The following EPHA5 variants were observed in gnomAD, a reference collection of about 807,000 sequenced individuals.
EPHA5 encodes ephrin type-A receptor 5.
Under a neutral mutation model 105.0 loss-of-function variants are expected in EPHA5, and 60 were observed. The ratio of observed to expected loss-of-function variants is 0.57; its 90% CI spans 0.46 to 0.71. The LOEUF (loss-of-function observed/expected upper bound fraction) is 0.71, where lower values mean the gene tolerates loss of function less well. Among genes scored for constraint, EPHA5 ranks in the 30% least tolerant of loss-of-function variants. EPHA5 has a pLI of 0.00. For synonymous variants in EPHA5, 513 were observed against 449.1 expected, an observed-to-expected ratio of 1.14 and a Z score of -1.80; for missense variants, 1,218 against 1,274.7, an observed-to-expected ratio of 0.96 and a Z score of 0.68.
intron 1 of EPHA5, among the ~76,000 whole-genome samples, chr4:65,647,599 T>C (rs62297723): frequency 0.012 from 1,879 of 152,150 alleles, 47 homozygotes; most frequent in Admixed American, 0.058. Context: ...CACTAATGAA[T>C]ATAATTAGAG....
chr4:65,427,441 A>G (rs1724555937), intron 5 of EPHA5, among the ~76,000 whole-genome samples: 1 of 152,044 alleles, frequency 6.6e-6, no homozygotes, highest in South Asian at 2.1e-4. Context: ...TCGGCCACCC[A>G]AAGTGCTGGG....
intron 3 of EPHA5, among the ~76,000 whole-genome samples, chr4:65,557,252 ATATATATT>A (rs1404751983): frequency 6.9e-6 from 1 of 145,148 alleles, no homozygotes; most frequent in Non-Finnish European, 1.5e-5. Context: ...ATATATATAT[ATATATATT>A]CTCACACTTT....
chr4:65,625,824 A>C (rs1746090079), intron 2 of EPHA5, among the ~76,000 whole-genome samples: 1 of 152,216 alleles, frequency 6.6e-6, no homozygotes, highest in Admixed American at 6.5e-5. Context: ...TATTTAAAGA[A>C]TGCGCGGCCG....
chr4:65,511,409 A>G (rs1405969199), intron 3 of EPHA5, among the ~76,000 whole-genome samples: 2 of 152,198 alleles, frequency 1.3e-5, no homozygotes, highest in African/African-American at 2.4e-5. Context: ...TGTGATGACT[A>G]GTTGTGATGA....
intron 5 of EPHA5, among the ~76,000 whole-genome samples, chr4:65,421,671 C>G (rs1370405978): frequency 6.6e-6 from 1 of 151,934 alleles, no homozygotes; most frequent in African/African-American, 2.4e-5. Context: ...CAGTTTTTAC[C>G]TAATGAATTG....
chr4:65,545,041 C>T (rs762286880), intron 3 of EPHA5, among the ~76,000 whole-genome samples: 1 of 151,524 alleles, frequency 6.6e-6, no homozygotes, highest in East Asian at 1.9e-4. Flanking sequence ...AAAGTATATT[C>T]ATTATGGAAA....
At chr4:65,551,686 T>G (rs1396003145) in intron 3 of EPHA5, among the ~76,000 whole-genome samples, 2 of 152,168 alleles carry the variant, frequency 1.3e-5, no homozygotes, top group African/African-American at 4.8e-5. Context: ...TGTAACATTT[T>G]TATTGCATAA....
intron 11 of EPHA5, among the ~76,000 whole-genome samples, chr4:65,360,452 G>T (rs968186294): frequency 6.6e-6 from 1 of 151,602 alleles, no homozygotes; most frequent in African/African-American, 2.4e-5. Context: ...AGATAGAGCT[G>T]TTTTAAAATC....
chr4:65,501,779 C>T (rs571967685), intron 3 of EPHA5, among the ~76,000 whole-genome samples: 2 of 150,078 alleles, frequency 1.3e-5, no homozygotes, highest in East Asian at 2.0e-4. Flanking sequence ...AAACAAAATG[C>T]GCCCAAATAG....
At chr4:65,476,005 C>A (rs1022538208) in intron 5 of EPHA5, among the ~76,000 whole-genome samples, 1 of 151,684 alleles carries the variant, frequency 6.6e-6, no homozygotes, top group African/African-American at 2.4e-5. Context: ...CACCATTTCC[C>A]TAGAGAAAAG....
At chr4:65,540,375 T>C (rs1466169600) in intron 3 of EPHA5, among the ~76,000 whole-genome samples, 1 of 151,416 alleles carries the variant, frequency 6.6e-6, no homozygotes, top group Non-Finnish European at 1.5e-5. Context: ...GGCAACACTA[T>C]AGTTCAATCA....
chr4:65,488,014 A>G (rs1029025821), intron 5 of EPHA5, among the ~76,000 whole-genome samples: 2 of 152,184 alleles, frequency 1.3e-5, no homozygotes, highest in African/African-American at 2.4e-5. Context: ...GTAGGTTTGC[A>G]AAATGTTACA....
At chr4:65,495,667 CA>C in intron 3 of EPHA5, 124 bp from the exon 4 acceptor site, 2 of 763,304 alleles carry the variant, frequency 2.6e-6, no homozygotes, top group Non-Finnish European at 2.0e-6. Context: ...GCATCAATTT[CA>C]AGAAGTTTTC....
At chr4:65,388,369 G>T (rs1008180039) in intron 8 of EPHA5, among the ~76,000 whole-genome samples, 6 of 151,512 alleles carry the variant, frequency 4.0e-5, no homozygotes, top group African/African-American at 1.5e-4. Flanking sequence ...TATTTCTACT[G>T]CTAGATCCCT....
At chr4:65,407,194 A>T (rs1014576087) in intron 7 of EPHA5, among the ~76,000 whole-genome samples, 2 of 152,130 alleles carry the variant, frequency 1.3e-5, no homozygotes, top group African/African-American at 4.8e-5. Context: ...TCAAATGCTC[A>T]GTCTAGCATT....
rs1578746578 is a variant in EPHA5, at chr4:65,670,082, A to G, written c.-340T>C. On this transcript the variant is annotated 5_prime_UTR_variant, in exon 1 of 17. Transcript: ENST00000613740. ...TTTTACGGATTGAGAATTTTTAAAT[A>G]CCACTAGGGGAAAGGTGAAGGTTCT... is the stretch of plus-strand genomic sequence containing the variant. 1.3e-5 allele frequency: 4 copies of G among 311,878 alleles called. No individual in the cohort carries two copies. The East Asian group carries it at 1.9e-4, about 15-fold the overall frequency. The allele number at this position is 311,878 out of a possible 1,614,324, so 19.3% of individuals were successfully genotyped here. A position where few individuals can be genotyped will look rare whatever the true frequency, so the allele number is the denominator to read the frequency against.
At chr4:65,495,578 G>T in intron 3 of EPHA5, 35 bp from the exon 4 acceptor site, 1 of 1,569,760 alleles carries the variant, frequency 6.4e-7, no homozygotes, top group Non-Finnish European at 8.7e-7. Context: ...GCTTTTCCCT[G>T]GAACAGATGC....
At chr4:65,419,042 C>A (rs1452862170) in intron 6 of EPHA5, among the ~76,000 whole-genome samples, 2 of 151,410 alleles carry the variant, frequency 1.3e-5, no homozygotes, top group Admixed American at 6.6e-5. Flanking sequence ...CGCTACCACA[C>A]CCAGCTAATT....
intron 1 of EPHA5, among the ~76,000 whole-genome samples, chr4:65,657,240 A>G (rs1208182971): frequency 6.6e-6 from 1 of 152,152 alleles, no homozygotes; most frequent in Non-Finnish European, 1.5e-5. Flanking sequence ...CTGCCCCCCA[A>G]GAAATTTAAA....
Sources: gnomAD v4.1 joint callset for allele counts (sites outside exome capture counted in the v4.1 genomes callset) on GRCh38, gnomAD v4.1.1 for gene constraint, MANE v1.5 for transcripts, NCBI Gene and HGNC (gene_info 2026-07-23, HGNC 2026-07-21) for gene names.